HNRNPC: variants seen among roughly 807,000 people sequenced by gnomAD.
HNRNPC encodes the protein heterogeneous nuclear ribonucleoprotein C, also known as heterogeneous nuclear ribonucleoproteins C1/C2.
Under a neutral mutation model 33.2 loss-of-function variants are expected in HNRNPC, and 3 were observed. That is an observed-to-expected ratio of 0.09 (90% confidence interval 0.04 to 0.23). HNRNPC has a LOEUF of 0.23. Ranked by LOEUF, HNRNPC falls within the 10% of genes least tolerant of loss-of-function variation. The probability of loss-of-function intolerance (pLI) is 1.00; values close to 1 mark genes in which losing one functional copy is unlikely to be tolerated. For missense variants in HNRNPC, 143 were observed against 366.7 expected (o/e 0.39, Z 4.98); for synonymous variants, 121 against 126.7 (o/e 0.96, Z 0.30).
At chr14:21,257,607 T>C (rs150311042) in intron 2 of HNRNPC, among the ~76,000 whole-genome samples, 37 of 151,968 alleles carry the variant, frequency 2.4e-4, no homozygotes, top group African/African-American at 7.2e-4. Context: ...CTTTAAGAGA[T>C]AGGGTCTCAC....
chr14:21,257,521 T>A (rs1312702713), intron 2 of HNRNPC, among the ~76,000 whole-genome samples: 1 of 151,910 alleles, frequency 6.6e-6, no homozygotes, highest in Non-Finnish European at 1.5e-5. Context: ...CACAAATAAT[T>A]TTTTTCTAAC....
At chr14:21,217,329 TGTCTTA>T (rs529763177) in intron 5 of HNRNPC, among the ~76,000 whole-genome samples, 3 of 152,222 alleles carry the variant, frequency 2.0e-5, no homozygotes, top group Non-Finnish European at 4.4e-5. Flanking sequence ...ACAAACATGC[TGTCTTA>T]GTCTAGCATC....
intron 2 of HNRNPC, among the ~76,000 whole-genome samples, chr14:21,251,260 C>CA (rs71419116): frequency 0.43 from 21,140 of 49,472 alleles, 5,592 homozygotes; most frequent in South Asian, 0.52. Flanking sequence ...GACTCCCTCT[C>CA]AAAAAAAAAA....
At chr14:21,238,243 T>C (rs570862267) in intron 2 of HNRNPC, among the ~76,000 whole-genome samples, 1 of 152,182 alleles carries the variant, frequency 6.6e-6, no homozygotes, top group South Asian at 2.1e-4. Flanking sequence ...CCAATAGTAA[T>C]AAATGTCCAG....
Position 21,213,214 on chromosome 14 carries a change from T to C in HNRNPC, c.366-97A>G, listed in dbSNP as rs550610173. 25 of 1,242,924 alleles carry C rather than the reference T, an allele frequency of 2.0e-5. No individual in the cohort carries two copies. In the South Asian group the frequency reaches 3.3e-4, roughly 16 times the overall value. 77.0% of individuals were successfully genotyped at this position (1,242,924 alleles called of 1,614,324 possible). A position where few individuals can be genotyped will look rare whatever the true frequency, so the allele number is the denominator to read the frequency against. On this transcript the variant is annotated intron_variant, in intron 5 of 8. Coordinates refer to ENST00000553300, the MANE Select transcript of HNRNPC (RefSeq NM_004500.4). ...ATAAATAGTAAGTGAATATTGTCTC[T>C]AGTCGTTTCCTTTTATTAAATTTCA... is the stretch of plus-strand genomic sequence containing the variant.
At chr14:21,244,156 C>A (rs1368389144) in intron 2 of HNRNPC, among the ~76,000 whole-genome samples, 1 of 152,018 alleles carries the variant, frequency 6.6e-6, no homozygotes, top group Non-Finnish European at 1.5e-5. Flanking sequence ...GCCACCACAT[C>A]CGGATAATTT....
At chr14:21,214,845 G>A (rs1033063357) in intron 5 of HNRNPC, among the ~76,000 whole-genome samples, 3 of 152,106 alleles carry the variant, frequency 2.0e-5, no homozygotes, top group Non-Finnish European at 4.4e-5. Flanking sequence ...ATTGCTTAAC[G>A]ACAATTTCTG....
intron 2 of HNRNPC, among the ~76,000 whole-genome samples, chr14:21,261,553 G>A (rs1878253420): frequency 1.3e-5 from 2 of 152,048 alleles, no homozygotes; most frequent in Non-Finnish European, 2.9e-5. Context: ...GTATAAGGGG[G>A]CAAGTTTGTG....
rs187372899 is a variant in HNRNPC at position 21,244,513 on chromosome 14, T to C, written c.-36-10284A>G. ...CTTACCAATGGTGGAGCTTTTGAAT[T>C]GCCAAAGTCAGAGAACTCACAATCT... On this transcript the variant is annotated intron_variant, in intron 2 of 8. Transcript: ENST00000553300. Among the ~76,000 whole-genome samples, 818 of 152,360 alleles carry C rather than the reference T, an allele frequency of 5.4e-3. 5 individuals carry two copies. The highest frequency in any genetic ancestry group is 9.2e-3 in the Non-Finnish European group (626 of 68,040).
chr14:21,211,565 T>C lies in HNRNPC; in HGVS notation c.639A>G (p.Val213=), dbSNP rs776718456. The part of the protein sequence containing the change: ...KIEKEQSKQA[V]EMKNDKSEEE... The stretch of plus-strand genomic sequence containing the variant: ...CTTCTGACTTATCATTCTTCATCTC[T>C]ACTGCGGATGAGAAGGACAAGTCTG... Residue 213 remains valine (V), a splice_region_variant and synonymous_variant, in exon 8 of 9, where the codon GTA becomes GTG. Coordinates refer to ENST00000553300, the MANE Select transcript of HNRNPC (RefSeq NM_004500.4). 78 of 1,606,272 alleles carry C rather than the reference T, an allele frequency of 4.9e-5. No homozygotes were observed. The East Asian group carries it at 1.7e-3, about 35-fold the overall frequency.
chr14:21,249,593 CAAA>C (rs756880620), intron 2 of HNRNPC, among the ~76,000 whole-genome samples: 97 of 83,458 alleles, frequency 1.2e-3, no homozygotes, highest in South Asian at 1.6e-3. Flanking sequence ...GTCTCAAAAA[CAAA>C]AAAAAAAAAA....
chr14:21,251,675 C>T (rs1212578323), intron 2 of HNRNPC, among the ~76,000 whole-genome samples: 1 of 151,076 alleles, frequency 6.6e-6, no homozygotes, highest in Non-Finnish European at 1.5e-5. Context: ...GAGACTCCGT[C>T]TCAAAAAAAA....
At chr14:21,240,177 C>T (rs1484857153) in intron 2 of HNRNPC, among the ~76,000 whole-genome samples, 1 of 152,110 alleles carries the variant, frequency 6.6e-6, no homozygotes, top group African/African-American at 2.4e-5. Context: ...GTGGGAAGGA[C>T]AAGAAATTTC....
At chr14:21,258,398 A>C (rs1877594240) in intron 2 of HNRNPC, among the ~76,000 whole-genome samples, 1 of 152,112 alleles carries the variant, frequency 6.6e-6, no homozygotes, top group African/African-American at 2.4e-5. Flanking sequence ...TCAAAAAAAA[A>C]AAAAAGTTCA....
intron 5 of HNRNPC, among the ~76,000 whole-genome samples, chr14:21,220,764 G>T (rs1294549649): frequency 1.3e-5 from 2 of 151,760 alleles, no homozygotes; most frequent in African/African-American, 4.8e-5. Context: ...ACTTCCCAAT[G>T]AAAATCGAAT....
intron 5 of HNRNPC, among the ~76,000 whole-genome samples, chr14:21,219,795 A>C (rs766717589): frequency 1.1e-4 from 17 of 152,184 alleles, no homozygotes; most frequent in South Asian, 4.1e-4. Flanking sequence ...CTTACTTAAT[A>C]TCTCTCCAAA....
At chr14:21,268,677 GAA>G (rs1238533476) in intron 1 of HNRNPC, 3 of 152,142 alleles carry the variant, frequency 2.0e-5, no homozygotes, top group Non-Finnish European at 2.9e-5. Context: ...ACCTGCAGAT[GAA>G]AAGTCAGCTG....
Position 21,230,386 on chromosome 14 carries a change from A to C in HNRNPC, c.318-20T>G, listed in dbSNP as rs1172738480. Reference sequence around the variant, plus strand: ...GAGGAGCTGAAAAATAAATACCGAAAAGGGTTAATTTGGAAATGTTTCTAC... The same window carrying C: ...GAGGAGCTGAAAAATAAATACCGAACAGGGTTAATTTGGAAATGTTTCTAC... On this transcript the variant is annotated intron_variant, in intron 4 of 8. Transcript: ENST00000553300. 1.9e-6 allele frequency: 3 copies of C among 1,590,848 alleles called. No homozygotes were observed.
intron 3 of HNRNPC, 38 bp downstream of exon 3, chr14:21,233,915 A>G: frequency 6.3e-7 from 1 of 1,591,442 alleles, no homozygotes; most frequent in East Asian, 2.2e-5. Flanking sequence ...AGAAAAACTC[A>G]GGCCTGAATT....
Sources: allele counts gnomAD v4.1 joint callset (sites outside exome capture counted in the v4.1 genomes callset), GRCh38; gene constraint gnomAD v4.1.1; transcripts MANE v1.5; gene names NCBI Gene and HGNC (gene_info 2026-07-23, HGNC 2026-07-21).